Variants in OPRM1 observed in about 807,000 individuals in gnomAD.
OPRM1 encodes opioid receptor mu 1.
A neutral mutation model predicts 31.8 loss-of-function variants in OPRM1; 27 were observed. The ratio of observed to expected loss-of-function variants is 0.85; its 90% CI spans 0.63 to 1.17. The LOEUF (loss-of-function observed/expected upper bound fraction) is 1.17, where lower values mean the gene tolerates loss of function less well. Ranked by LOEUF, OPRM1 falls within the 50% of genes most tolerant of loss-of-function variation. The probability of loss-of-function intolerance (pLI) is 0.00; values close to 1 mark genes in which losing one functional copy is unlikely to be tolerated. For synonymous variants in OPRM1, 196 were observed against 189.9 expected (o/e 1.03, Z -0.26); for missense variants, 536 against 511.1 (o/e 1.05, Z -0.47).
rs148376282 is a variant in OPRM1, at chr6:154,226,855, C to T, written c.1165-19838C>T. Reference sequence around the variant, plus strand: ...TAGTTCCACAATTTCATCTCTCCCCCTCCCCCATTCAGCCAAAGACAAACA... The same window carrying T: ...TAGTTCCACAATTTCATCTCTCCCCTTCCCCCATTCAGCCAAAGACAAACA... On this transcript the variant is annotated intron_variant, in intron 3 of 3. Coordinates refer to the OPRM1 transcript ENST00000337049. Among the ~76,000 whole-genome samples, 4 of 152,232 alleles carry T rather than the reference C, an allele frequency of 2.6e-5. No homozygotes were observed. In the East Asian group the frequency reaches 5.8e-4, roughly 22 times the overall value.
intron 1 of OPRM1, among the ~76,000 whole-genome samples, chr6:154,050,894 T>G (rs1173913485): frequency 6.6e-6 from 1 of 152,124 alleles, no homozygotes; most frequent in Non-Finnish European, 1.5e-5. Flanking sequence ...ACCTACTACA[T>G]AGCCACAAAA....
intron 1 of OPRM1, among the ~76,000 whole-genome samples, chr6:154,031,735 CG>C (rs1779019815): frequency 6.6e-6 from 1 of 151,684 alleles, no homozygotes; most frequent in Non-Finnish European, 1.5e-5. Context: ...AGTGAGACTC[CG>C]TCTCGGAAAA....
At chr6:154,118,317 T>G (rs3798690) in intron 3 of OPRM1, among the ~76,000 whole-genome samples, 2,926 of 152,234 alleles carry the variant, frequency 0.019, 80 homozygotes, top group East Asian at 0.04. Context: ...CTTTCAAAAT[T>G]TTGATCAAGT....
upstream of OPRM1, among the ~76,000 whole-genome samples, chr6:154,037,778 C>G (rs980335432): frequency 2.6e-5 from 4 of 152,050 alleles, no homozygotes; most frequent in African/African-American, 7.2e-5. Context: ...AGACTGTCAT[C>G]CTGTAGGGTA....
chr6:154,209,029 T>C (rs1777739042), intron 3 of OPRM1, among the ~76,000 whole-genome samples: 1 of 152,248 alleles, frequency 6.6e-6, no homozygotes. Flanking sequence ...GAAGATTTCC[T>C]GACATGTTCT....
chr6:154,129,001 G>A lies in OPRM1; in HGVS notation c.*10280G>A, dbSNP rs1797741639. ...GTTTTATTAATATTTTGAAGTATAGGAACCTCATGGTGTAGCAGGATGAGC... is the reference window on the plus strand; with the variant it reads ...GTTTTATTAATATTTTGAAGTATAGAAACCTCATGGTGTAGCAGGATGAGC... On this transcript the variant is annotated 3_prime_UTR_variant, in exon 4 of 4. Transcript: ENST00000330432. 6.6e-6 allele frequency among the ~76,000 whole-genome samples: 1 copy of A among 152,082 alleles called. No individual in the cohort carries two copies. The highest frequency in any genetic ancestry group is 6.5e-5 in the Admixed American group (1 of 15,270).
chr6:154,224,727 C>A (rs566389943), intron 3 of OPRM1, among the ~76,000 whole-genome samples: 63 of 151,428 alleles, frequency 4.2e-4, no homozygotes, highest in East Asian at 1.4e-3. Flanking sequence ...AACAAACAAA[C>A]AAAAAAAAGA....
At chr6:154,085,893 T>A (rs1293737836) in intron 1 of OPRM1, among the ~76,000 whole-genome samples, 1 of 148,724 alleles carries the variant, frequency 6.7e-6, no homozygotes, top group Non-Finnish European at 1.5e-5. Context: ...TTGCCCTTTT[T>A]TTTTTTTTTT....
downstream of OPRM1, among the ~76,000 whole-genome samples, chr6:154,132,747 A>C (rs1363360021): frequency 6.6e-6 from 1 of 152,204 alleles, no homozygotes; most frequent in African/African-American, 2.4e-5. Context: ...GAGTTTGATA[A>C]GGTGAAATTC....
At chr6:154,028,942 A>C (rs577675803) in intron 1 of OPRM1, among the ~76,000 whole-genome samples, 1 of 152,152 alleles carries the variant, frequency 6.6e-6, no homozygotes, top group East Asian at 1.9e-4. Flanking sequence ...TGCTTACCTG[A>C]TTTTTGGTTC....
Position 154,062,237 on chromosome 6 carries a change from C to T in OPRM1, c.290+22403C>T, listed in dbSNP as rs189210291. Among the ~76,000 whole-genome samples the T allele has an allele frequency of 4.6e-5, 7 of 151,854 alleles. No individual in the cohort carries two copies. The East Asian group carries it at 5.8e-4, about 13-fold the overall frequency. ...AACATTTCAGAAGTAGTAGATGATC[C>T]TGAAAAGTAATAAAGTATTGCATTA... On this transcript the variant is annotated intron_variant, in intron 1 of 3. Transcript: ENST00000330432.
intron 3 of OPRM1, among the ~76,000 whole-genome samples, chr6:154,241,022 G>C (rs575529024): frequency 8.5e-4 from 129 of 152,128 alleles, no homozygotes; most frequent in African/African-American, 3.1e-3. Flanking sequence ...CAAATCATGA[G>C]GTCAAGAGAT....
chr6:154,173,222 T>C (rs1412976693), intron 3 of OPRM1, among the ~76,000 whole-genome samples: 1 of 151,304 alleles, frequency 6.6e-6, no homozygotes, highest in Admixed American at 6.6e-5. Flanking sequence ...GAAACCAGAG[T>C]GGAAAGGCTG....
At chr6:154,067,161 C>G (rs1189655739) in intron 1 of OPRM1, among the ~76,000 whole-genome samples, 2 of 151,554 alleles carry the variant, frequency 1.3e-5, no homozygotes, top group Non-Finnish European at 2.9e-5. Flanking sequence ...TTTTTAGTTT[C>G]TATTTCATTT....
rs748837953 is a variant in OPRM1, at chr6:154,131,665, G to A, written c.*12944G>A. Among the ~76,000 whole-genome samples the A allele has an allele frequency of 3.3e-5, 5 of 152,108 alleles. No homozygotes were observed. The highest frequency in any genetic ancestry group is 1.2e-4 in the African/African-American group (5 of 41,428). ...AAGTATAGAATAGTTTCTGTTTTAC[G>A]GATTTTGTATCCAAGTAAATGAAAA... On this transcript the variant is annotated 3_prime_UTR_variant, in exon 4 of 4. Coordinates refer to ENST00000330432, the MANE Select transcript of OPRM1 (RefSeq NM_000914.5).
intron 3 of OPRM1, among the ~76,000 whole-genome samples, chr6:154,185,554 T>C (rs559531235): frequency 2.0e-4 from 30 of 152,344 alleles, no homozygotes; most frequent in Middle Eastern, 3.4e-3. Context: ...GGTCATAAAA[T>C]TGCTATAGAT....
chr6:154,089,585 CAAAAAA>C (rs5881062), intron 1 of OPRM1, among the ~76,000 whole-genome samples: 1 of 129,638 alleles, frequency 7.7e-6, no homozygotes, highest in Non-Finnish European at 1.6e-5. Flanking sequence ...AGATCCTATC[CAAAAAA>C]AAAAAAAAAG....
intron 1 of OPRM1, among the ~76,000 whole-genome samples, chr6:154,061,922 G>A (rs376865826): frequency 6.6e-5 from 10 of 151,956 alleles, no homozygotes; most frequent in African/African-American, 1.9e-4. Context: ...AATATAATGC[G>A]TTCTATGAAA....
chr6:154,134,787 A>G (rs1362760924), downstream of OPRM1, among the ~76,000 whole-genome samples: 1 of 151,892 alleles, frequency 6.6e-6, no homozygotes, highest in East Asian at 1.9e-4. Flanking sequence ...AAAATTTAAC[A>G]TGCATTTTTT....
Sources: gnomAD v4.1 joint callset for allele counts (sites outside exome capture counted in the v4.1 genomes callset) on GRCh38, gnomAD v4.1.1 for gene constraint, MANE v1.5 for transcripts, NCBI Gene and HGNC (gene_info 2026-07-23, HGNC 2026-07-21) for gene names.